SLC25A21: variants seen among roughly 807,000 people sequenced by gnomAD.
SLC25A21 encodes the protein solute carrier family 25 member 21, also known as mitochondrial 2-oxodicarboxylate carrier.
Under a neutral mutation model 43.8 loss-of-function variants are expected in SLC25A21, and 47 were observed. The ratio of observed to expected loss-of-function variants is 1.07; its 90% CI spans 0.85 to 1.37. The LOEUF (loss-of-function observed/expected upper bound fraction) is 1.37. Among genes scored for constraint, SLC25A21 ranks in the 40% most tolerant of loss-of-function variants. The pLI, the probability that SLC25A21 is intolerant of heterozygous loss-of-function variation, is 0.00. For synonymous variants in SLC25A21, 131 were observed against 121.3 expected, an observed-to-expected ratio of 1.08 and a Z score of -0.52; for missense variants, 352 against 350.2, an observed-to-expected ratio of 1.00 and a Z score of -0.04.
chr14:37,158,485 T>A (rs1025082771), intron 1 of SLC25A21, among the ~76,000 whole-genome samples: 1 of 152,128 alleles, frequency 6.6e-6, no homozygotes, highest in East Asian at 1.9e-4. Flanking sequence ...AAAAACCATA[T>A]GATCATCTCA....
chr14:36,679,781 G>A lies in SLC25A21; in HGVS notation c.*877C>T. 1 of 985,202 alleles carries A rather than the reference G, an allele frequency of 1.0e-6. No individual in the cohort carries two copies. The highest frequency in any genetic ancestry group is 1.2e-6 in the Non-Finnish European group (1 of 829,730). 61.0% of individuals were successfully genotyped at this position (985,202 alleles called of 1,614,324 possible). On this transcript the variant is annotated 3_prime_UTR_variant, in exon 10 of 10. Coordinates refer to ENST00000331299, the MANE Select transcript of SLC25A21 (RefSeq NM_030631.4). ...ATAAAGGTATTTGGATGCAAATACT[G>A]ATGGCTGACAAATGGGTCCAAAGGT...
intron 3 of SLC25A21, among the ~76,000 whole-genome samples, chr14:36,802,865 T>C (rs1887915885): frequency 6.6e-6 from 1 of 152,212 alleles, no homozygotes; most frequent in Non-Finnish European, 1.5e-5. Context: ...ATAAGAGGCA[T>C]GTAATGATAG....
chr14:36,859,755 A>G (rs1472610518), intron 2 of SLC25A21, among the ~76,000 whole-genome samples: 1 of 152,238 alleles, frequency 6.6e-6, no homozygotes, highest in Non-Finnish European at 1.5e-5. Flanking sequence ...TGCCCAGATT[A>G]CTAAGTAGCC....
chr14:36,866,760 T>C (rs1290661525), intron 2 of SLC25A21, among the ~76,000 whole-genome samples: 33 of 152,278 alleles, frequency 2.2e-4, no homozygotes, highest in Admixed American at 1.9e-3. Context: ...GCATTTGAAA[T>C]GTGGCTTATT....
intron 3 of SLC25A21, among the ~76,000 whole-genome samples, chr14:36,749,430 T>C (rs779401881): frequency 1.8e-4 from 27 of 152,038 alleles, no homozygotes; most frequent in Admixed American, 3.3e-4. Context: ...AACATTGCAA[T>C]AGTCTCCCAA....
chr14:36,885,517 A>G (rs184280435), intron 1 of SLC25A21, among the ~76,000 whole-genome samples: 1 of 152,314 alleles, frequency 6.6e-6, no homozygotes, highest in Non-Finnish European at 1.5e-5. Flanking sequence ...GAATTTTGAT[A>G]GAGAGTACAT....
rs901582161 is a variant in SLC25A21, at chr14:37,038,653, G to T, written c.70+133628C>A. Among the ~76,000 whole-genome samples, 5 of 152,306 alleles carry T rather than the reference G, an allele frequency of 3.3e-5. No individual in the cohort carries two copies. The South Asian group carries it at 1.0e-3, about 32-fold the overall frequency. On this transcript the variant is annotated intron_variant, in intron 1 of 9. Transcript: ENST00000331299. ...GAAGTCAGAAGAACATTGTTGGGAG[G>T]TAAAGAGAGGGGGATAGTCTTTTCC...
intron 1 of SLC25A21, among the ~76,000 whole-genome samples, chr14:36,967,322 T>C (rs1227567918): frequency 1.3e-5 from 2 of 152,196 alleles, no homozygotes; most frequent in Admixed American, 1.3e-4. Flanking sequence ...CCTATTTATA[T>C]GATAAGCCTC....
At chr14:37,096,908 A>C (rs1043271074) in intron 1 of SLC25A21, among the ~76,000 whole-genome samples, 1 of 151,800 alleles carries the variant, frequency 6.6e-6, no homozygotes, top group African/African-American at 2.4e-5. Flanking sequence ...TATTTTCCTG[A>C]ATGTTCTTGA....
chr14:36,971,140 A>G (rs540818237), intron 1 of SLC25A21, among the ~76,000 whole-genome samples: 37 of 152,268 alleles, frequency 2.4e-4, no homozygotes, highest in African/African-American at 8.9e-4. Context: ...AGTATTTGTG[A>G]TACAGGAGTT....
chr14:36,683,804 T>C lies in SLC25A21; in HGVS notation c.838+24A>G, dbSNP rs376096199. 3.2e-6 allele frequency: 5 copies of C among 1,555,714 alleles called. No homozygotes were observed. The East Asian group carries it at 6.8e-5, about 21-fold the overall frequency. Reference sequence around the variant, plus strand: ...CGCTAGAACAATAAAGAAGGAAGGATTAAATAATCAAAATTATCATTACCT... The same window carrying C: ...CGCTAGAACAATAAAGAAGGAAGGACTAAATAATCAAAATTATCATTACCT... On this transcript the variant is annotated intron_variant, in intron 9 of 9. Coordinates refer to ENST00000331299, the MANE Select transcript of SLC25A21 (RefSeq NM_030631.4).
intron 6 of SLC25A21, among the ~76,000 whole-genome samples, chr14:36,722,636 T>C (rs1254584975): frequency 6.6e-6 from 1 of 152,178 alleles, no homozygotes; most frequent in Admixed American, 6.5e-5. Context: ...TTAAATAAAA[T>C]ATATTATTAA....
rs552655944 is a variant in SLC25A21 at position 36,694,100 on chromosome 14, C to T, written c.604-9175G>A. Among the ~76,000 whole-genome samples, 18 of 146,178 alleles carry T rather than the reference C, an allele frequency of 1.2e-4. No individual in the cohort carries two copies. The East Asian group carries it at 3.1e-3, about 25-fold the overall frequency. On this transcript the variant is annotated intron_variant, in intron 7 of 9. Transcript: ENST00000331299. ...CTGACAGGCCCCAGTGTGTGATGTTCCCCGCCCTGTGTCCAAGTGATCTCA... is the reference window on the plus strand; with the variant it reads ...CTGACAGGCCCCAGTGTGTGATGTTTCCCGCCCTGTGTCCAAGTGATCTCA...
At chr14:37,111,720 T>C (rs897881322) in intron 1 of SLC25A21, among the ~76,000 whole-genome samples, 9 of 152,236 alleles carry the variant, frequency 5.9e-5, no homozygotes, top group Non-Finnish European at 1.0e-4. Context: ...CATAATTCTA[T>C]GTCAAACATC....
intron 1 of SLC25A21, among the ~76,000 whole-genome samples, chr14:36,982,105 T>C (rs1960038546): frequency 6.6e-6 from 1 of 150,772 alleles, no homozygotes; most frequent in Admixed American, 6.5e-5. Context: ...GAGTATCTAT[T>C]ACTGTCAACA....
intron 1 of SLC25A21, among the ~76,000 whole-genome samples, chr14:36,963,946 C>A (rs1959555832): frequency 6.6e-6 from 1 of 151,216 alleles, no homozygotes; most frequent in South Asian, 2.1e-4. Flanking sequence ...CCCTTGAAAC[C>A]TTTTTTTTTG....
intron 1 of SLC25A21, among the ~76,000 whole-genome samples, chr14:37,062,731 A>G (rs1961975819): frequency 6.6e-6 from 1 of 152,200 alleles, no homozygotes; most frequent in Non-Finnish European, 1.5e-5. Context: ...AATAAGAAGC[A>G]TAACAATCAG....
intron 1 of SLC25A21, among the ~76,000 whole-genome samples, chr14:36,952,095 T>C (rs531911061): frequency 7.2e-5 from 11 of 152,014 alleles, no homozygotes; most frequent in African/African-American, 2.7e-4. Flanking sequence ...TAACTGGGCA[T>C]GGTGGTGCGT....
intron 3 of SLC25A21, among the ~76,000 whole-genome samples, chr14:36,741,550 C>T (rs1885263668): frequency 6.6e-6 from 1 of 152,162 alleles, no homozygotes; most frequent in Admixed American, 6.5e-5. Flanking sequence ...GGGATCCAAA[C>T]TGCTGATATT....
Sources: allele counts gnomAD v4.1 joint callset (sites outside exome capture counted in the v4.1 genomes callset), GRCh38; gene constraint gnomAD v4.1.1; transcripts MANE v1.5; gene names NCBI Gene and HGNC (gene_info 2026-07-23, HGNC 2026-07-21).